The following CAPZA2 variants were observed in gnomAD, a reference collection of about 807,000 sequenced individuals.
The protein encoded by CAPZA2 is capping actin protein of muscle Z-line subunit alpha 2.
CAPZA2 carries 13 observed loss-of-function variants against 44.0 expected under a neutral mutation model. That is an observed-to-expected ratio of 0.30 (90% CI 0.19 to 0.47). CAPZA2 has a LOEUF of 0.47. Among genes scored for constraint, CAPZA2 ranks in the 20% least tolerant of loss-of-function variants. The probability of loss-of-function intolerance (pLI) is 1.00; values close to 1 mark genes in which losing one functional copy is unlikely to be tolerated. For missense variants in CAPZA2, 244 were observed against 338.6 expected, an observed-to-expected ratio of 0.72 and a Z score of 2.19; for synonymous variants, 94 against 108.2, an observed-to-expected ratio of 0.87 and a Z score of 0.81.
chr7:116,888,104 T>A (rs1796786637), intron 1 of CAPZA2, 23 bp from the exon 2 acceptor site: 7 of 1,571,422 alleles, frequency 4.5e-6, no homozygotes, highest in Non-Finnish European at 6.1e-6. Context: ...TATGGAACAT[T>A]TATATCTTTC....
intron 1 of CAPZA2, among the ~76,000 whole-genome samples, chr7:116,872,237 C>T (rs1300114126): frequency 6.6e-6 from 1 of 151,826 alleles, no homozygotes; most frequent in Non-Finnish European, 1.5e-5. Flanking sequence ...AGAGAACATT[C>T]TAGGGTGTAT....
rs183622036 is a variant in CAPZA2 at position 116,894,921 on chromosome 7, C to G, written c.155+1876C>G. Among the ~76,000 whole-genome samples the G allele has an allele frequency of 3.3e-5, 5 of 152,236 alleles. No homozygotes were observed. In the East Asian group the frequency reaches 9.7e-4, roughly 29 times the overall value. On this transcript the variant is annotated intron_variant, in intron 3 of 9. Coordinates refer to ENST00000361183, the MANE Select transcript of CAPZA2 (RefSeq NM_006136.3). Reference sequence around the variant, plus strand: ...TCTTCCAATGGACACTTGAGTTGCTCCCACCCATTAATTATATTAAAGTGC... The same window carrying G: ...TCTTCCAATGGACACTTGAGTTGCTGCCACCCATTAATTATATTAAAGTGC...
chr7:116,907,746 G>A (rs1426332204), intron 6 of CAPZA2, among the ~76,000 whole-genome samples: 1 of 152,076 alleles, frequency 6.6e-6, no homozygotes, highest in African/African-American at 2.4e-5. Flanking sequence ...TTCCCAAGTA[G>A]CTGGAACTAC....
At chr7:116,903,177 G>C (rs1797017366) in intron 4 of CAPZA2, among the ~76,000 whole-genome samples, 1 of 151,918 alleles carries the variant, frequency 6.6e-6, no homozygotes. Flanking sequence ...TATATCACTT[G>C]ACTTTGAGGG....
At chr7:116,881,987 T>C (rs2115904348) in intron 1 of CAPZA2, among the ~76,000 whole-genome samples, 1 of 152,274 alleles carries the variant, frequency 6.6e-6, no homozygotes, top group South Asian at 2.1e-4. Flanking sequence ...ATTCAGCCTA[T>C]GAATTTTTGG....
chr7:116,908,978 C>CAGAA (rs1056985458), intron 6 of CAPZA2, among the ~76,000 whole-genome samples: 10 of 152,056 alleles, frequency 6.6e-5, no homozygotes, highest in African/African-American at 2.4e-4. Flanking sequence ...TGCTTGGGAC[C>CAGAA]AGAAGTCTTT....
chr7:116,898,834 A>G lies in CAPZA2; in HGVS notation c.218A>G (p.Gln73Arg), dbSNP rs931596958. Residue 73 changes from glutamine (Q) to arginine (R), a missense_variant and splice_region_variant, in exon 4 of 10, where the codon CAG (glutamine) becomes CGG (arginine). Transcript: ENST00000361183. Reference protein sequence around the residue: ...TPVKIEGYEDQVLITEHGDLG... With the variant: ...TPVKIEGYEDRVLITEHGDLG... ...GTAAAAATTGAAGGTTATGAAGATC[A>G]GGTATGTTTCATATAAACACTATTC... 6 of 1,566,256 alleles carry G rather than the reference A, an allele frequency of 3.8e-6. No individual in the cohort carries two copies. Among genetic ancestry groups the G allele is most frequent in the Non-Finnish European group, 5.3e-6 (6 of 1,139,928 alleles).
chr7:116,911,284 CTCTT>C (rs1791592314), intron 7 of CAPZA2, among the ~76,000 whole-genome samples: 1 of 152,092 alleles, frequency 6.6e-6, no homozygotes, highest in African/African-American at 2.4e-5. Context: ...AATTGGTGGA[CTCTT>C]TGACATTCAC....
chr7:116,907,944 A>G (rs867209250), intron 6 of CAPZA2, among the ~76,000 whole-genome samples: 12 of 152,198 alleles, frequency 7.9e-5, no homozygotes, highest in Non-Finnish European at 1.2e-4. Context: ...TCATGGCACA[A>G]TAGTCTCAGT....
intron 1 of CAPZA2, among the ~76,000 whole-genome samples, chr7:116,877,073 T>C (rs1041935156): frequency 1.3e-5 from 2 of 152,188 alleles, no homozygotes; most frequent in East Asian, 3.9e-4. Flanking sequence ...GGGGACCTTA[T>C]CTGTGGGAGC....
rs769038997 is a variant in CAPZA2, at chr7:116,904,270, G to A, written c.313G>A (p.Ala105Thr). ...TAAATTTGATCACTTAAGGAAGGAG[G>A]CAACTGATCCAAGACCCTGTGAAGT... Reference protein sequence around the residue: ...CFKFDHLRKEATDPRPCEVEN... With the variant: ...CFKFDHLRKETTDPRPCEVEN... Residue 105 changes from alanine to threonine, a missense_variant, in exon 5 of 10, where the codon GCA (alanine) becomes ACA (threonine). Coordinates refer to ENST00000361183, the MANE Select transcript of CAPZA2 (RefSeq NM_006136.3). 5 of 1,591,456 alleles carry A rather than the reference G, an allele frequency of 3.1e-6. No homozygotes were observed. The highest frequency in any genetic ancestry group is 1.7e-5 in the Admixed American group (1 of 59,972).
chr7:116,914,440 C>T (rs769261929), intron 8 of CAPZA2, among the ~76,000 whole-genome samples: 1 of 102,190 alleles, frequency 9.8e-6, no homozygotes, highest in African/African-American at 2.8e-5. Flanking sequence ...CATACACACA[C>T]ACACACACAC....
At chr7:116,905,125 T>A in intron 5 of CAPZA2, among the ~76,000 whole-genome samples, 1 of 142,242 alleles carries the variant, frequency 7.0e-6, no homozygotes, top group East Asian at 2.0e-4. Flanking sequence ...GTCAACAGAG[T>A]GAGACTCTGT....
At chr7:116,870,419 A>G (rs1342353990) in intron 1 of CAPZA2, among the ~76,000 whole-genome samples, 1 of 152,202 alleles carries the variant, frequency 6.6e-6, no homozygotes, top group Non-Finnish European at 1.5e-5. Flanking sequence ...TGTCTACTCT[A>G]TATTTGGTAC....
At position 116,862,739 on chromosome 7, in the gene CAPZA2, A is replaced by G. The variant is rs550506901; in HGVS notation, c.39+89A>G. ...CGGAGTCTGGTCGCGGGGGAAGGGC[A>G]TTGGCCCGCAGCTGGCCTTGCCCTC... On this transcript the variant is annotated intron_variant, in intron 1 of 9. Coordinates refer to ENST00000361183, the MANE Select transcript of CAPZA2 (RefSeq NM_006136.3). 142 of 1,391,330 alleles carry G rather than the reference A, an allele frequency of 1.0e-4. 1 individual carries two copies. The Middle Eastern group carries it at 3.0e-3, about 29-fold the overall frequency. The allele number at this position is 1,391,330 out of a possible 1,614,324, so 86.2% of individuals were successfully genotyped here. A position where few individuals can be genotyped will look rare whatever the true frequency, so the allele number is the denominator to read the frequency against.
At chr7:116,907,692 G>A (rs901438537) in intron 6 of CAPZA2, among the ~76,000 whole-genome samples, 4 of 152,038 alleles carry the variant, frequency 2.6e-5, no homozygotes, top group African/African-American at 9.7e-5. Context: ...TGTTGCCCAG[G>A]CCGGTCTCAA....
intron 3 of CAPZA2, among the ~76,000 whole-genome samples, chr7:116,893,457 G>A (rs768155740): frequency 2.0e-4 from 31 of 152,052 alleles, no homozygotes; most frequent in Non-Finnish European, 3.5e-4. Context: ...ACTAATCTCT[G>A]ACATAGATAT....
chr7:116,889,823 C>T (rs148992816), intron 2 of CAPZA2, among the ~76,000 whole-genome samples: 1 of 152,128 alleles, frequency 6.6e-6, no homozygotes, highest in Non-Finnish European at 1.5e-5. Flanking sequence ...AAATTAAAAT[C>T]TGCTGTTTAA....
intron 5 of CAPZA2, 88 bp from the exon 6 acceptor site, chr7:116,906,175 G>C (rs533455389): frequency 2.0e-6 from 3 of 1,535,084 alleles, no homozygotes; most frequent in African/African-American, 2.8e-5. Context: ...TCAAAGTACT[G>C]TACAATTTGC....
Sources: gnomAD v4.1 joint callset for allele counts (sites outside exome capture counted in the v4.1 genomes callset) on GRCh38, gnomAD v4.1.1 for gene constraint, MANE v1.5 for transcripts, NCBI Gene and HGNC (gene_info 2026-07-23, HGNC 2026-07-21) for gene names.